Variants in MGAT5 observed in about 807,000 individuals in gnomAD.
MGAT5 encodes the protein alpha-1,6-mannosylglycoprotein 6-beta-N-acetylglucosaminyltransferase.
MGAT5 carries 30 observed loss-of-function variants against 94.3 expected under a neutral mutation model. That is an observed-to-expected ratio of 0.32 (90% CI 0.24 to 0.43). The LOEUF (loss-of-function observed/expected upper bound fraction) is 0.43, where lower values mean the gene tolerates loss of function less well. Among genes scored for constraint, MGAT5 ranks in the 20% least tolerant of loss-of-function variants. MGAT5 has a pLI of 1.00. For missense variants in MGAT5, 691 were observed against 905.5 expected, an observed-to-expected ratio of 0.76 and a Z score of 3.04; for synonymous variants, 310 against 322.9, an observed-to-expected ratio of 0.96 and a Z score of 0.43.
chr2:134,278,130 G>A (rs1051905017), intron 2 of MGAT5, among the ~76,000 whole-genome samples: 1 of 152,154 alleles, frequency 6.6e-6, no homozygotes, highest in African/African-American at 2.4e-5. Context: ...CTTTTGGTAT[G>A]TTTACCGAAA....
intron 2 of MGAT5, among the ~76,000 whole-genome samples, chr2:134,288,599 T>C (rs889427215): frequency 1.3e-5 from 2 of 152,220 alleles, no homozygotes; most frequent in African/African-American, 2.4e-5. Context: ...CAAAGGCTTA[T>C]GGAAATTGAT....
intron 10 of MGAT5, among the ~76,000 whole-genome samples, chr2:134,398,246 G>A (rs1459124209): frequency 1.3e-5 from 2 of 152,184 alleles, no homozygotes; most frequent in African/African-American, 4.8e-5. Context: ...CCGAGACCCT[G>A]CCACTGTCCT....
rs190330191 is a variant in MGAT5 at position 134,419,256 on chromosome 2, A to G, written c.1678-3547A>G. Among the ~76,000 whole-genome samples the G allele has an allele frequency of 7.2e-5, 11 of 152,222 alleles. 1 individual carries two copies. The highest frequency in any genetic ancestry group is 3.3e-4 in the Admixed American group (5 of 15,294). ...TTTGTTTTTATTTTTGTGCTGGACC[A>G]TTTTTCAAACCATGATGTCTACTCA... is the stretch of plus-strand genomic sequence containing the variant. On this transcript the variant is annotated intron_variant, in intron 12 of 15. Coordinates refer to ENST00000281923, the MANE Select transcript of MGAT5 (RefSeq NM_002410.5).
chr2:134,219,806 G>T (rs1227617258), intron 1 of MGAT5, among the ~76,000 whole-genome samples: 1 of 152,152 alleles, frequency 6.6e-6, no homozygotes, highest in African/African-American at 2.4e-5. Context: ...AAGTTGTTAG[G>T]AGTATTGGTT....
intron 1 of MGAT5, among the ~76,000 whole-genome samples, chr2:134,222,776 T>G (rs1680852884): frequency 6.6e-6 from 1 of 152,302 alleles, no homozygotes; most frequent in African/African-American, 2.4e-5. Flanking sequence ...GCCAATTAAT[T>G]GTTCTAGGCC....
At chr2:134,301,749 A>G (rs1686031558) in intron 2 of MGAT5, among the ~76,000 whole-genome samples, 1 of 152,164 alleles carries the variant, frequency 6.6e-6, no homozygotes, top group Admixed American at 6.6e-5. Context: ...GATAAACGGT[A>G]ACTGGAGGAG....
rs1488529353 is a variant in MGAT5, at chr2:134,209,141, ATTT to A, written c.-142-45113_-142-45111del. Among the ~76,000 whole-genome samples, 10 of 16,086 alleles carry A rather than the reference ATTT, an allele frequency of 6.2e-4. 4 individuals are homozygous for A. Among genetic ancestry groups the A allele is most frequent in the African/African-American group, 1.6e-3 (2 of 1,288 alleles). 10.6% of individuals were successfully genotyped at this position (16,086 alleles called of 152,430 possible). A position where few individuals can be genotyped will look rare whatever the true frequency, so the allele number is the denominator to read the frequency against. Reference sequence around the variant, plus strand: ...GAGGGATTGTATATAGAACTGGCTTATTTTTTTTTTATTTTTTTTTTTTTTTTT... The same window carrying A: ...GAGGGATTGTATATAGAACTGGCTTATTTTTTTATTTTTTTTTTTTTTTTT... On this transcript the variant is annotated intron_variant, in intron 1 of 16. Coordinates refer to the MGAT5 transcript ENST00000409645.
intron 1 of MGAT5, among the ~76,000 whole-genome samples, chr2:134,237,354 G>T (rs1043702681): frequency 6.6e-6 from 1 of 152,194 alleles, no homozygotes; most frequent in Admixed American, 6.5e-5. Flanking sequence ...TGCTCCACTG[G>T]CTGGGGGAAG....
At chr2:134,359,967 T>C (rs1012380087) in intron 9 of MGAT5, among the ~76,000 whole-genome samples, 16 of 152,194 alleles carry the variant, frequency 1.1e-4, no homozygotes, top group African/African-American at 3.4e-4. Context: ...GGTCAAGGTT[T>C]AGTGTCCTGT....
chr2:134,190,643 C>T (rs1011565757), intron 1 of MGAT5, among the ~76,000 whole-genome samples: 5 of 151,806 alleles, frequency 3.3e-5, no homozygotes, highest in African/African-American at 1.2e-4. Context: ...TTTCAAATCT[C>T]CTCTCCTTTG....
chr2:134,448,875 C>A lies in MGAT5; in HGVS notation c.*28C>A, dbSNP rs1004443065. 4 of 1,601,070 alleles carry A rather than the reference C, an allele frequency of 2.5e-6. No homozygotes were observed. Among genetic ancestry groups the A allele is most frequent in the Non-Finnish European group, 2.6e-6 (3 of 1,172,780 alleles). On this transcript the variant is annotated 3_prime_UTR_variant, in exon 16 of 16. Transcript: ENST00000281923. ...GCTACCTGCTCAGCCCTGCACCATG[C>A]TGCTGGGGAAGACAGTGGCCCCAGC...
chr2:134,401,011 G>GT (rs1683017873), intron 10 of MGAT5, among the ~76,000 whole-genome samples: 1 of 152,012 alleles, frequency 6.6e-6, no homozygotes, highest in African/African-American at 2.4e-5. Context: ...CCAGGCCCTA[G>GT]TTTTTTCTCC....
chr2:134,359,835 C>T (rs974940641), intron 9 of MGAT5, among the ~76,000 whole-genome samples: 35 of 152,172 alleles, frequency 2.3e-4, no homozygotes, highest in African/African-American at 7.2e-4. Flanking sequence ...AGGGCGCTCT[C>T]GGCAGATGTT....
intron 6 of MGAT5, 31 bp from the exon 7 acceptor site, chr2:134,341,559 G>A (rs368258767): frequency 6.3e-7 from 1 of 1,587,304 alleles, no homozygotes; most frequent in South Asian, 1.1e-5. Flanking sequence ...GTGGTTCAGT[G>A]TGAATCAGTA....
At chr2:134,187,555 A>G (rs772975689) in intron 1 of MGAT5, among the ~76,000 whole-genome samples, 2 of 152,218 alleles carry the variant, frequency 1.3e-5, no homozygotes, top group Non-Finnish European at 2.9e-5. Flanking sequence ...CATTTCTTGA[A>G]GTTATACACA....
rs75266269 is a variant in MGAT5 at position 134,373,391 on chromosome 2, C to T, written c.1380+10983C>T. ...CCTCAAGTGAGGAAAGGGTTGACAG[C>T]GCGTTCTTGAAGGGAGACAGAACTG... On this transcript the variant is annotated intron_variant, in intron 10 of 15. Transcript: ENST00000281923. Among the ~76,000 whole-genome samples the T allele has an allele frequency of 5.3e-3, 814 of 152,272 alleles. 9 individuals are homozygous for T. The highest frequency in any genetic ancestry group is 0.019 in the African/African-American group (772 of 41,556).
chr2:134,274,350 T>A (rs1258020257), intron 2 of MGAT5, among the ~76,000 whole-genome samples: 1 of 152,220 alleles, frequency 6.6e-6, no homozygotes, highest in Non-Finnish European at 1.5e-5. Context: ...TGCCTAGAAG[T>A]CGGACTTGGT....
chr2:134,402,923 A>G, intron 10 of MGAT5, 65 bp from the exon 11 acceptor site: 2 of 1,483,744 alleles, frequency 1.3e-6, no homozygotes, highest in African/African-American at 1.4e-5. Flanking sequence ...GTTCTAGTCC[A>G]TGATACAGGT....
chr2:134,402,858 A>G (rs900512606), intron 10 of MGAT5, 130 bp from the exon 11 acceptor site: 3 of 916,528 alleles, frequency 3.3e-6, no homozygotes, highest in Non-Finnish European at 4.6e-6. Context: ...TTGATTGCCA[A>G]ATTCCTGTGA....
Sources: allele counts gnomAD v4.1 joint callset (sites outside exome capture counted in the v4.1 genomes callset), GRCh38; gene constraint gnomAD v4.1.1; transcripts MANE v1.5; gene names NCBI Gene and HGNC (gene_info 2026-07-23, HGNC 2026-07-21).